The following PID1 variants were observed in gnomAD, a reference collection of about 807,000 sequenced individuals.
PID1 encodes the protein phosphotyrosine interaction domain containing 1.
In PID1, 10 loss-of-function variants were observed where a neutral mutation model predicts 19.1. The observed-to-expected ratio is 0.52, with a 90% CI of 0.32 to 0.89. PID1 has a LOEUF of 0.89. Among genes scored for constraint, PID1 ranks in the 40% least tolerant of loss-of-function variants. PID1 has a pLI of 0.03. For missense variants in PID1, 248 were observed against 285.3 expected, an observed-to-expected ratio of 0.87 and a Z score of 0.94; for synonymous variants, 130 against 116.0, an observed-to-expected ratio of 1.12 and a Z score of -0.78.
chr2:229,092,888 A>C (rs1019454114), intron 2 of PID1, among the ~76,000 whole-genome samples: 1 of 152,162 alleles, frequency 6.6e-6, no homozygotes, highest in Admixed American at 6.5e-5. Flanking sequence ...GAAGTCTACA[A>C]ATCATGTTTA....
chr2:229,071,422 T>C (rs1354655747), intron 2 of PID1, among the ~76,000 whole-genome samples: 3 of 152,194 alleles, frequency 2.0e-5, no homozygotes, highest in Non-Finnish European at 4.4e-5. Context: ...TCTGAGCACA[T>C]GCTAAGCGCC....
chr2:229,078,462 C>T (rs1694607505), intron 2 of PID1, among the ~76,000 whole-genome samples: 1 of 152,204 alleles, frequency 6.6e-6, no homozygotes, highest in African/African-American at 2.4e-5. Flanking sequence ...ACAGAGCATC[C>T]TCACCTTGTG....
At chr2:229,253,762 C>T (rs954813021) in intron 1 of PID1, among the ~76,000 whole-genome samples, 1 of 152,164 alleles carries the variant, frequency 6.6e-6, no homozygotes, top group Non-Finnish European at 1.5e-5. Flanking sequence ...TATGCTCTGC[C>T]CCACATATCA....
chr2:229,198,454 T>C (rs1342072747), intron 1 of PID1, among the ~76,000 whole-genome samples: 1 of 152,052 alleles, frequency 6.6e-6, no homozygotes, highest in Non-Finnish European at 1.5e-5. Flanking sequence ...CAAACACATA[T>C]GCCTAGATGA....
chr2:229,056,126 CAG>C lies in PID1; in HGVS notation c.178-30020_178-30019del, dbSNP rs543096537. Among the ~76,000 whole-genome samples, 313 of 152,286 alleles carry C rather than the reference CAG, an allele frequency of 2.1e-3. 1 individual carries two copies. The highest frequency in any genetic ancestry group is 3.0e-3 in the Non-Finnish European group (204 of 68,024). ...TGTTCCCCATTTCCAAATGAAGTCT[CAG>C]TGGCTGGTCTCAAGAATGTTTTTCA... On this transcript the variant is annotated intron_variant, in intron 2 of 2. Transcript: ENST00000392055.
At chr2:229,114,691 A>G (rs1374102285) in intron 2 of PID1, among the ~76,000 whole-genome samples, 1 of 152,154 alleles carries the variant, frequency 6.6e-6, no homozygotes, top group East Asian at 1.9e-4. Flanking sequence ...CTCCCACAAC[A>G]TTCTACCCTC....
chr2:229,087,887 A>G (rs1052802139), intron 2 of PID1, among the ~76,000 whole-genome samples: 4 of 152,178 alleles, frequency 2.6e-5, no homozygotes, highest in Non-Finnish European at 4.4e-5. Context: ...CAATTAGTCA[A>G]TTACGTATAT....
chr2:229,066,646 CT>C (rs1694332983), intron 2 of PID1, among the ~76,000 whole-genome samples: 1 of 152,108 alleles, frequency 6.6e-6, no homozygotes, highest in Non-Finnish European at 1.5e-5. Context: ...TTTTCCACCC[CT>C]GATCCTCTGG....
chr2:229,193,719 T>C (rs1204683520), intron 1 of PID1, among the ~76,000 whole-genome samples: 1 of 151,044 alleles, frequency 6.6e-6, no homozygotes, highest in African/African-American at 2.4e-5. Flanking sequence ...AAATGACACA[T>C]AATTAATAAA....
Position 229,042,274 on chromosome 2 carries a change from A to G in PID1, c.178-16166T>C, listed in dbSNP as rs142374498. On this transcript the variant is annotated intron_variant, in intron 2 of 2. Transcript: ENST00000392055. Reference sequence around the variant, plus strand: ...AAAAGAAACCTATGTATATTGAAATATTTTATAATAATTTTTCAACTTCTT... The same window carrying G: ...AAAAGAAACCTATGTATATTGAAATGTTTTATAATAATTTTTCAACTTCTT... Among the ~76,000 whole-genome samples the G allele has an allele frequency of 1.4e-3, 210 of 152,316 alleles. 2 individuals are homozygous for G. The highest frequency in any genetic ancestry group is 4.7e-3 in the African/African-American group (197 of 41,580).
In PID1 at chr2:229,162,450, G is replaced by C. The variant is rs558692261; in HGVS notation, c.31-6486C>G. ...ATAACTGGAACACTACCCATATTTA[G>C]AGGGAAGGCATTAAGATTTTAATCT... On this transcript the variant is annotated intron_variant, in intron 1 of 2. Coordinates refer to ENST00000392055, the MANE Select transcript of PID1 (RefSeq NM_001100818.2). Among the ~76,000 whole-genome samples, 3 of 152,320 alleles carry C rather than the reference G, an allele frequency of 2.0e-5. No homozygotes were observed. In the South Asian group the frequency reaches 6.2e-4, roughly 32 times the overall value.
At chr2:229,116,117 C>T (rs1253472628) in intron 2 of PID1, among the ~76,000 whole-genome samples, 2 of 152,036 alleles carry the variant, frequency 1.3e-5, no homozygotes, top group Non-Finnish European at 2.9e-5. Context: ...GTCCCAGCTA[C>T]TCTGGAGGCT....
chr2:229,126,422 G>A (rs1271415901), intron 2 of PID1, among the ~76,000 whole-genome samples: 7 of 150,324 alleles, frequency 4.7e-5, no homozygotes, highest in Admixed American at 4.0e-4. Flanking sequence ...GAATGGTCTG[G>A]CAAAAAAAAA....
At chr2:229,140,519 T>G (rs986208703) in intron 2 of PID1, among the ~76,000 whole-genome samples, 1 of 152,066 alleles carries the variant, frequency 6.6e-6, no homozygotes, top group Non-Finnish European at 1.5e-5. Context: ...ATGGTAGAGC[T>G]GATGTATTTC....
chr2:229,163,674 TGC>T lies in PID1; in HGVS notation c.31-7712_31-7711del, dbSNP rs1553570238. ...GAGTGTGTGTGTGTGTGTGTGTGTG[TGC>T]GTGTGCGTGTGTGTGTGTGTATACT... On this transcript the variant is annotated intron_variant, in intron 1 of 2. Coordinates refer to ENST00000392055, the MANE Select transcript of PID1 (RefSeq NM_001100818.2). Among the ~76,000 whole-genome samples, 10 of 94,482 alleles carry T rather than the reference TGC, an allele frequency of 1.1e-4. No homozygotes were observed. In the South Asian group the frequency reaches 1.6e-3, roughly 15 times the overall value. The allele number at this position is 94,482 out of a possible 152,430, so 62.0% of individuals were successfully genotyped here.
At chr2:229,260,816 C>CTTTTTTTTTT (rs1319033110) in intron 1 of PID1, among the ~76,000 whole-genome samples, 3 of 121,188 alleles carry the variant, frequency 2.5e-5, no homozygotes, top group Non-Finnish European at 3.4e-5. Flanking sequence ...TTCTGATTGC[C>CTTTTTTTTTT]ATTTTTTTTT....
chr2:229,120,001 T>C (rs1297183306), intron 2 of PID1, among the ~76,000 whole-genome samples: 5 of 152,128 alleles, frequency 3.3e-5, no homozygotes, highest in Non-Finnish European at 7.3e-5. Context: ...CGTCTCTGGC[T>C]CCCAGACCTA....
intron 2 of PID1, among the ~76,000 whole-genome samples, chr2:229,060,695 C>T (rs750877800): frequency 2.0e-5 from 3 of 152,090 alleles, no homozygotes; most frequent in African/African-American, 4.8e-5. Context: ...CACCTCTATA[C>T]AGTTTTCCAT....
rs150114999 is a variant in PID1, at chr2:229,222,393, T to C, written c.30+48621A>G. ...GACATGTTTGCAATTAAAAGCATAGTATAAATATAATTTTTCTTCCCTTTT... is the reference window on the plus strand; with the variant it reads ...GACATGTTTGCAATTAAAAGCATAGCATAAATATAATTTTTCTTCCCTTTT... On this transcript the variant is annotated intron_variant, in intron 1 of 2. Coordinates refer to ENST00000392055, the MANE Select transcript of PID1 (RefSeq NM_001100818.2). Among the ~76,000 whole-genome samples, 7 of 152,366 alleles carry C rather than the reference T, an allele frequency of 4.6e-5. No individual in the cohort carries two copies. The East Asian group carries it at 1.3e-3, about 29-fold the overall frequency.
Sources: allele counts gnomAD v4.1 joint callset (sites outside exome capture counted in the v4.1 genomes callset), GRCh38; gene constraint gnomAD v4.1.1; transcripts MANE v1.5; gene names NCBI Gene and HGNC (gene_info 2026-07-23, HGNC 2026-07-21).